Variants in HEATR4 observed in about 807,000 individuals in gnomAD.
HEATR4 encodes the protein HEAT repeat-containing protein 4.
A neutral mutation model predicts 108.8 loss-of-function variants in HEATR4; 95 were observed. That is an observed-to-expected ratio of 0.87 (90% CI 0.74 to 1.04). The LOEUF (loss-of-function observed/expected upper bound fraction) is 1.04. Ranked by LOEUF, HEATR4 falls within the 50% of genes least tolerant of loss-of-function variation. HEATR4 has a pLI of 0.00. For missense variants in HEATR4, 1,152 were observed against 1,253.8 expected (o/e 0.92, Z 1.23); for synonymous variants, 443 against 459.4 (o/e 0.96, Z 0.46).
chr14:73,519,012 T>C lies in HEATR4; in HGVS notation c.1210+11A>G. 1 of 1,608,738 alleles carries C rather than the reference T, an allele frequency of 6.2e-7. No homozygotes were observed. The highest frequency in any genetic ancestry group is 8.5e-7 in the Non-Finnish European group (1 of 1,177,112). ...ATTAACCCCTGCCTTCCCTGTTAGC[T>C]TCCTGCTTACATGCTTCAGGAATTG... On this transcript the variant is annotated intron_variant, in intron 5 of 17. Transcript: ENST00000553558.
In HEATR4 at chr14:73,506,228, A is replaced by G. The variant is rs549092863; in HGVS notation, c.1986+239T>C. The stretch of plus-strand genomic sequence containing the variant: ...CTAAACTCCTGTCAGTTTTTGTGCT[A>G]TTTCATTGTGGATCAGTTACCAACA... On this transcript the variant is annotated intron_variant, in intron 10 of 17. Transcript: ENST00000553558. Among the ~76,000 whole-genome samples, 199 of 152,172 alleles carry G rather than the reference A, an allele frequency of 1.3e-3. 2 individuals carry two copies. Among genetic ancestry groups the G allele is most frequent in the East Asian group, 1.4e-3 (7 of 5,182 alleles).
chr14:73,487,469 G>A (rs1885496414), intron 17 of HEATR4, among the ~76,000 whole-genome samples: 1 of 152,150 alleles, frequency 6.6e-6, no homozygotes, highest in South Asian at 2.1e-4. Flanking sequence ...GGGAGGCTGA[G>A]GCAGGAGAAA....
chr14:73,524,313 ATATAT>A (rs1888195026), intron 2 of HEATR4, among the ~76,000 whole-genome samples: 2 of 93,234 alleles, frequency 2.1e-5, no homozygotes, highest in African/African-American at 4.2e-5. Context: ...AAAAAAAAAT[ATATAT>A]ATATATATAT....
intron 5 of HEATR4, among the ~76,000 whole-genome samples, chr14:73,518,023 T>C (rs11621227): frequency 0.11 from 16,568 of 151,878 alleles, 1,328 homozygotes; most frequent in Non-Finnish European, 0.16. Context: ...GAGGCGGAGG[T>C]TGCAGTGAGC....
chr14:73,577,609 C>G, the HEATR4 span, among the ~76,000 whole-genome samples: 2 of 151,052 alleles, frequency 1.3e-5, no homozygotes, highest in South Asian at 2.1e-4. Flanking sequence ...ATAGTTAAAA[C>G]TTGTTTTAGT....
At chr14:73,563,202 C>T (rs1215789208), upstream of HEATR4, among the ~76,000 whole-genome samples, 5 of 151,900 alleles carry the variant, frequency 3.3e-5, no homozygotes, top group African/African-American at 7.3e-5. Flanking sequence ...ATTTGTCAGC[C>T]GGCCGACTCT....
the HEATR4 span, among the ~76,000 whole-genome samples, chr14:73,589,625 A>G: frequency 3.3e-5 from 5 of 152,264 alleles, no homozygotes; most frequent in African/African-American, 7.2e-5. Context: ...AGCCTACCTT[A>G]TATTTCATCA....
At chr14:73,560,912 A>T (rs1889523046), upstream of HEATR4, among the ~76,000 whole-genome samples, 1 of 151,970 alleles carries the variant, frequency 6.6e-6, no homozygotes, top group Admixed American at 6.6e-5. Flanking sequence ...TATCCAAAAG[A>T]ATTGAAAGCA....
chr14:73,483,046 A>G (rs1283046891), intron 17 of HEATR4, among the ~76,000 whole-genome samples: 1 of 152,224 alleles, frequency 6.6e-6, no homozygotes, highest in Non-Finnish European at 1.5e-5. Flanking sequence ...GCATGTAGCA[A>G]GAGAACCAAA....
chr14:73,571,061 G>C, the HEATR4 span: 6 of 150,580 alleles, frequency 4.0e-5, no homozygotes, highest in African/African-American at 1.2e-4. Flanking sequence ...GGCTGGGCCT[G>C]TGACAGTGCA....
At chr14:73,560,790 C>G (rs1379299364), upstream of HEATR4, among the ~76,000 whole-genome samples, 1 of 152,052 alleles carries the variant, frequency 6.6e-6, no homozygotes. Flanking sequence ...GCACCCCAGC[C>G]TCAGTGACAG....
chr14:73,629,558 G>C, the HEATR4 span, among the ~76,000 whole-genome samples: 2 of 152,174 alleles, frequency 1.3e-5, no homozygotes. Context: ...GACTGGAAGA[G>C]TGCAGAGCTG....
chr14:73,576,169 AAATTAATT>A, the HEATR4 span, among the ~76,000 whole-genome samples: 1 of 151,996 alleles, frequency 6.6e-6, no homozygotes, highest in African/African-American at 2.4e-5. Context: ...TCTGCCTCAA[AAATTAATT>A]AATTAATTAA....
At chr14:73,571,328 A>C in the HEATR4 span, 9 of 163,810 alleles carry the variant, frequency 5.5e-5, no homozygotes, top group African/African-American at 2.2e-4. Flanking sequence ...AGGATAATTC[A>C]CTCCACAAGC....
chr14:73,502,100 C>T (rs1396074631), intron 11 of HEATR4, among the ~76,000 whole-genome samples: 1 of 150,294 alleles, frequency 6.7e-6, no homozygotes, highest in African/African-American at 2.5e-5. Context: ...TGCTATGTTG[C>T]CCAGGCTGGT....
At chr14:73,587,045 T>G in the HEATR4 span, among the ~76,000 whole-genome samples, 3 of 152,196 alleles carry the variant, frequency 2.0e-5, no homozygotes, top group South Asian at 2.1e-4. Flanking sequence ...ATTTTTCTCT[T>G]AGTTTTATGG....
chr14:73,595,316 C>G, the HEATR4 span: 1 of 1,614,070 alleles, frequency 6.2e-7, no homozygotes, highest in Non-Finnish European at 8.5e-7. Context: ...CAGCATGATT[C>G]CAATAGAGAA....
upstream of HEATR4, among the ~76,000 whole-genome samples, chr14:73,561,838 A>G (rs964953077): frequency 1.8e-4 from 27 of 152,114 alleles, no homozygotes; most frequent in African/African-American, 6.0e-4. Flanking sequence ...CTTAAAAAGT[A>G]TCCAGGTGAG....
At chr14:73,490,976 G>T in intron 17 of HEATR4, 1 of 1,316,576 alleles carries the variant, frequency 7.6e-7, no homozygotes, top group Non-Finnish European at 9.7e-7. Context: ...CTTTAGCTTC[G>T]CCCCCGGCCG....
Sources: allele counts gnomAD v4.1 joint callset (sites outside exome capture counted in the v4.1 genomes callset), GRCh38; gene constraint gnomAD v4.1.1; transcripts MANE v1.5; gene names NCBI Gene and HGNC (gene_info 2026-07-23, HGNC 2026-07-21).